Variants in NLGN1 observed in about 807,000 individuals in gnomAD.
The protein encoded by NLGN1 is neuroligin 1.
In NLGN1, 12 loss-of-function variants were observed where a neutral mutation model predicts 65.5. The observed-to-expected ratio is 0.18, with a 90% CI of 0.12 to 0.30. The LOEUF is 0.30. NLGN1 is among the 10% of genes least tolerant of loss of function. The probability of loss-of-function intolerance (pLI) is 1.00; values close to 1 mark genes in which losing one functional copy is unlikely to be tolerated. For missense variants in NLGN1, 750 were observed against 1,007.1 expected, an observed-to-expected ratio of 0.74 and a Z score of 3.46; for synonymous variants, 350 against 359.5, an observed-to-expected ratio of 0.97 and a Z score of 0.30.
intron 3 of NLGN1, among the ~76,000 whole-genome samples, chr3:173,699,363 T>C (rs1766759671): frequency 6.6e-6 from 1 of 152,226 alleles, no homozygotes; most frequent in South Asian, 2.1e-4. Context: ...TTAAATATGT[T>C]AGCCTATTCT....
At chr3:173,915,916 A>G (rs1166207287) in intron 4 of NLGN1, among the ~76,000 whole-genome samples, 2 of 151,788 alleles carry the variant, frequency 1.3e-5, no homozygotes, top group South Asian at 2.1e-4. Flanking sequence ...TTATTTTTTT[A>G]GATTATAGTA....
At chr3:174,078,511 T>G (rs533740138) in intron 4 of NLGN1, among the ~76,000 whole-genome samples, 1 of 152,164 alleles carries the variant, frequency 6.6e-6, no homozygotes, top group East Asian at 1.9e-4. Flanking sequence ...GATTAGAATA[T>G]TTCTTACACA....
At chr3:173,615,969 A>G (rs1407288282) in intron 3 of NLGN1, among the ~76,000 whole-genome samples, 2 of 152,052 alleles carry the variant, frequency 1.3e-5, no homozygotes, top group African/African-American at 4.8e-5. Context: ...AAAAGGCATT[A>G]AAGAGCTGCC....
chr3:173,996,185 G>A (rs1722240902), intron 4 of NLGN1, among the ~76,000 whole-genome samples: 1 of 152,146 alleles, frequency 6.6e-6, no homozygotes, highest in Non-Finnish European at 1.5e-5. Flanking sequence ...CTTCTATTCA[G>A]TGGTGGTAAC....
At chr3:173,990,643 G>A (rs569328338) in intron 4 of NLGN1, among the ~76,000 whole-genome samples, 69 of 152,026 alleles carry the variant, frequency 4.5e-4, no homozygotes, top group African/African-American at 1.5e-3. Flanking sequence ...AATTATAATG[G>A]CAGTTCTAGC....
intron 4 of NLGN1, among the ~76,000 whole-genome samples, chr3:174,064,929 G>A (rs1247504725): frequency 6.6e-6 from 1 of 150,888 alleles, no homozygotes; most frequent in Non-Finnish European, 1.5e-5. Context: ...ATAAATGTTA[G>A]CTTCTATTAT....
At chr3:173,492,185 A>C (rs1352991447) in intron 2 of NLGN1, among the ~76,000 whole-genome samples, 1 of 151,920 alleles carries the variant, frequency 6.6e-6, no homozygotes, top group East Asian at 1.9e-4. Flanking sequence ...AATTTAAGGA[A>C]AAATGCACGA....
chr3:173,724,165 G>A lies in NLGN1; in HGVS notation c.494-83515G>A, dbSNP rs148462911. ...AATGAGTCTAAAGTTCACAGAAGTA[G>A]AATCTGGAGATAAAACTTTAACTTA... On this transcript the variant is annotated intron_variant, in intron 3 of 6. Coordinates refer to ENST00000457714, the Ensembl canonical transcript of NLGN1. Among the ~76,000 whole-genome samples the A allele has an allele frequency of 8.7e-4, 132 of 152,304 alleles. 1 individual carries two copies. Among genetic ancestry groups the A allele is most frequent in the African/African-American group, 3.1e-3 (127 of 41,580 alleles).
chr3:173,433,290 A>C (rs1208642885), intron 1 of NLGN1, among the ~76,000 whole-genome samples: 1 of 152,172 alleles, frequency 6.6e-6, no homozygotes, highest in African/African-American at 2.4e-5. Context: ...TGAACAGTCT[A>C]TGTCTGAACT....
intron 4 of NLGN1, among the ~76,000 whole-genome samples, chr3:173,839,431 T>G (rs1375641785): frequency 1.5e-5 from 2 of 131,978 alleles, no homozygotes; most frequent in Non-Finnish European, 3.1e-5. Flanking sequence ...TGTTTTTTTG[T>G]TTTTTTTTTT....
rs561910601 is a variant in NLGN1 at position 174,052,952 on chromosome 3, G to T, written c.647-222363G>T. 2.0e-5 allele frequency among the ~76,000 whole-genome samples: 3 copies of T among 152,106 alleles called. No homozygotes were observed. The East Asian group carries it at 5.8e-4, about 29-fold the overall frequency. ...CTACAAAATAGATGCGGCAGTAAAT[G>T]TTTTACAACTAGCTAATTGCTACCT... On this transcript the variant is annotated intron_variant, in intron 4 of 6. Transcript: ENST00000457714.
rs1779338644 is a variant in NLGN1, at chr3:173,769,922, G to GA, written c.494-37753dup. Among the ~76,000 whole-genome samples, 10 of 152,232 alleles carry GA rather than the reference G, an allele frequency of 6.6e-5. No individual in the cohort carries two copies. The South Asian group carries it at 2.1e-3, about 32-fold the overall frequency. ...GTAGCATTTCCCCTACAGGACAGTAGAAAAATATCAGGTGTCCCTGCTTTA... is the reference window on the plus strand; with the variant it reads ...GTAGCATTTCCCCTACAGGACAGTAGAAAAAATATCAGGTGTCCCTGCTTTA... On this transcript the variant is annotated intron_variant, in intron 3 of 6. Coordinates refer to ENST00000457714, the Ensembl canonical transcript of NLGN1.
intron 4 of NLGN1, among the ~76,000 whole-genome samples, chr3:173,814,137 G>A (rs1447184180): frequency 6.6e-6 from 1 of 152,240 alleles, no homozygotes; most frequent in African/African-American, 2.4e-5. Context: ...CAGGGTGCGT[G>A]TCTCGCCCAC....
chr3:174,102,333 C>T (rs1712719894), intron 4 of NLGN1, among the ~76,000 whole-genome samples: 1 of 151,734 alleles, frequency 6.6e-6, no homozygotes, highest in Non-Finnish European at 1.5e-5. Flanking sequence ...AAACTAAAGT[C>T]GAAATTAATA....
intron 4 of NLGN1, among the ~76,000 whole-genome samples, chr3:174,086,312 AAT>A (rs138497907): frequency 2.0e-4 from 2 of 10,052 alleles, no homozygotes; most frequent in Non-Finnish European, 4.0e-4. Flanking sequence ...TATGTGCATA[AAT>A]ATATATATAT....
At chr3:173,844,943 T>C (rs1221825955) in intron 4 of NLGN1, among the ~76,000 whole-genome samples, 1 of 152,232 alleles carries the variant, frequency 6.6e-6, no homozygotes, top group Non-Finnish European at 1.5e-5. Flanking sequence ...GAAGACATTA[T>C]GTTATGATCT....
chr3:174,048,634 T>G (rs1001817806), intron 4 of NLGN1, among the ~76,000 whole-genome samples: 5 of 151,596 alleles, frequency 3.3e-5, no homozygotes, highest in African/African-American at 1.2e-4. Flanking sequence ...AGCCAATCCA[T>G]AAAGAATGAC....
intron 2 of NLGN1, among the ~76,000 whole-genome samples, chr3:173,547,148 G>C (rs1740004344): frequency 6.6e-6 from 1 of 152,010 alleles, no homozygotes; most frequent in East Asian, 1.9e-4. Flanking sequence ...GGGTAAAATT[G>C]CTATTTTTTT....
chr3:173,998,716 T>G (rs145261970), intron 4 of NLGN1, among the ~76,000 whole-genome samples: 1 of 152,304 alleles, frequency 6.6e-6, no homozygotes, highest in East Asian at 1.9e-4. Flanking sequence ...TGCACTGTTT[T>G]ATTCTCATGA....
Sources: allele counts gnomAD v4.1 joint callset (sites outside exome capture counted in the v4.1 genomes callset), GRCh38; gene constraint gnomAD v4.1.1; transcripts MANE v1.5; gene names NCBI Gene and HGNC (gene_info 2026-07-23, HGNC 2026-07-21).